Variants in PCDH9 observed in about 807,000 individuals in gnomAD.
PCDH9 encodes the protein protocadherin 9.
PCDH9 carries 24 observed loss-of-function variants against 70.6 expected under a neutral mutation model. The ratio of observed to expected loss-of-function variants is 0.34; its 90% CI spans 0.25 to 0.48. The LOEUF is 0.48. Among genes scored for constraint, PCDH9 ranks in the 20% least tolerant of loss-of-function variants. The pLI is 0.99. For missense variants in PCDH9, 1,281 were observed against 1,503.6 expected (o/e 0.85, Z 2.45); for synonymous variants, 562 against 558.5 (o/e 1.01, Z -0.09).
chr13:66,315,039 A>T (rs1317007685), intron 4 of PCDH9, among the ~76,000 whole-genome samples: 3 of 152,318 alleles, frequency 2.0e-5, no homozygotes, highest in African/African-American at 7.2e-5. Context: ...AAGGACGGGA[A>T]GGATTCAATT....
At chr13:66,399,433 C>T (rs1957153597) in intron 4 of PCDH9, among the ~76,000 whole-genome samples, 1 of 152,132 alleles carries the variant, frequency 6.6e-6, no homozygotes, top group Non-Finnish European at 1.5e-5. Flanking sequence ...AGATTCCTCT[C>T]TGCTCCTCTT....
intron 2 of PCDH9, among the ~76,000 whole-genome samples, chr13:67,104,193 G>T (rs564598320): frequency 6.6e-6 from 1 of 152,198 alleles, no homozygotes; most frequent in South Asian, 2.1e-4. Context: ...GTTGCTTTTA[G>T]GCTAGATTTA....
intron 3 of PCDH9, among the ~76,000 whole-genome samples, chr13:66,837,037 AC>A (rs1369619821): frequency 6.6e-6 from 1 of 152,156 alleles, no homozygotes; most frequent in Non-Finnish European, 1.5e-5. Context: ...CACATAAGAG[AC>A]CACCTGTGTG....
chr13:67,186,622 G>C (rs2088766873), intron 2 of PCDH9, among the ~76,000 whole-genome samples: 1 of 152,170 alleles, frequency 6.6e-6, no homozygotes, highest in African/African-American at 2.4e-5. Context: ...AAAAGACTAG[G>C]ATGATTAAAG....
intron 3 of PCDH9, among the ~76,000 whole-genome samples, chr13:66,860,178 C>G (rs771416037): frequency 6.6e-6 from 1 of 152,112 alleles, no homozygotes; most frequent in Admixed American, 6.6e-5. Context: ...TCCTGAGTGG[C>G]GTCTGTTTTT....
intron 2 of PCDH9, among the ~76,000 whole-genome samples, chr13:67,189,436 C>T (rs529223423): frequency 1.3e-5 from 2 of 152,116 alleles, no homozygotes; most frequent in South Asian, 2.1e-4. Context: ...TGAAATGTGG[C>T]TACTGTGACT....
At chr13:66,308,453 C>G (rs1234332186) in intron 4 of PCDH9, among the ~76,000 whole-genome samples, 1 of 151,980 alleles carries the variant, frequency 6.6e-6, no homozygotes, top group African/African-American at 2.4e-5. Flanking sequence ...TTTCAGATAA[C>G]TGGTTGCTGT....
rs1326247605 is a variant in PCDH9, at chr13:66,613,732, T to C, written c.3340+17478A>G. Reference sequence around the variant, plus strand: ...GGGTTTTCTTCTGCCTGTCTGTGTGTGTACTGTGTGCGATGTCTGTAAAAA... The same window carrying C: ...GGGTTTTCTTCTGCCTGTCTGTGTGCGTACTGTGTGCGATGTCTGTAAAAA... On this transcript the variant is annotated intron_variant, in intron 4 of 4. Coordinates refer to ENST00000377865, the MANE Select transcript of PCDH9 (RefSeq NM_203487.3). Among the ~76,000 whole-genome samples the C allele has an allele frequency of 8.0e-5, 12 of 150,394 alleles. 1 individual carries two copies. In the Admixed American group the frequency reaches 8.0e-4, roughly 10 times the overall value.
At chr13:66,583,479 G>A (rs9540829) in intron 4 of PCDH9, among the ~76,000 whole-genome samples, 39,881 of 151,700 alleles carry the variant, frequency 0.26, 5,453 homozygotes, top group South Asian at 0.35. Flanking sequence ...GGGCTTGGGG[G>A]GACGCGCCTA....
intron 4 of PCDH9, among the ~76,000 whole-genome samples, chr13:66,516,046 C>T (rs1270625057): frequency 3.9e-5 from 6 of 152,108 alleles, no homozygotes; most frequent in Admixed American, 3.3e-4. Flanking sequence ...TTTTTCTTAA[C>T]ACCATTTGAA....
intron 4 of PCDH9, among the ~76,000 whole-genome samples, chr13:66,534,602 T>C (rs1003754209): frequency 6.6e-6 from 1 of 152,058 alleles, no homozygotes; most frequent in Non-Finnish European, 1.5e-5. Flanking sequence ...ACATATAAAT[T>C]TGGGGGGACA....
At chr13:66,843,650 C>T (rs559825345) in intron 3 of PCDH9, among the ~76,000 whole-genome samples, 1 of 152,256 alleles carries the variant, frequency 6.6e-6, no homozygotes, top group South Asian at 2.1e-4. Flanking sequence ...GGCCTTGTGG[C>T]TCATTTTCAT....
In PCDH9 at chr13:66,715,072, T is replaced by C. The variant is rs115656024; in HGVS notation, c.3139-83661A>G. Among the ~76,000 whole-genome samples, 319 of 152,236 alleles carry C rather than the reference T, an allele frequency of 2.1e-3. 1 individual carries two copies. Among genetic ancestry groups the C allele is most frequent in the African/African-American group, 7.5e-3 (313 of 41,548 alleles). The stretch of plus-strand genomic sequence containing the variant: ...GATGTTAGGATAAAAAATTAGTATT[T>C]TTGAGCAGAGAATAATGAACACATG... On this transcript the variant is annotated intron_variant, in intron 3 of 4. Transcript: ENST00000377865.
chr13:66,710,350 T>TAA (rs2078775823), intron 3 of PCDH9, among the ~76,000 whole-genome samples: 1 of 152,148 alleles, frequency 6.6e-6, no homozygotes, highest in Non-Finnish European at 1.5e-5. Flanking sequence ...TCTGGCACCA[T>TAA]AAAAAATAAC....
At chr13:66,572,029 C>T (rs941700085) in intron 4 of PCDH9, among the ~76,000 whole-genome samples, 16 of 151,874 alleles carry the variant, frequency 1.1e-4, no homozygotes, top group East Asian at 3.9e-4. Flanking sequence ...AATATAATTT[C>T]GACTCAGAAT....
chr13:66,595,372 A>T (rs1259500863), intron 4 of PCDH9, among the ~76,000 whole-genome samples: 1 of 151,720 alleles, frequency 6.6e-6, no homozygotes, highest in Non-Finnish European at 1.5e-5. Context: ...GTTATGTTGA[A>T]CTATGTGTGA....
chr13:66,839,614 T>C (rs548733820), intron 3 of PCDH9, among the ~76,000 whole-genome samples: 11 of 152,368 alleles, frequency 7.2e-5, no homozygotes, highest in African/African-American at 2.6e-4. Flanking sequence ...TCTCCACTTC[T>C]GCATTTTCAG....
chr13:66,710,375 CT>C (rs1047612738), intron 3 of PCDH9, among the ~76,000 whole-genome samples: 1 of 152,074 alleles, frequency 6.6e-6, no homozygotes, highest in Non-Finnish European at 1.5e-5. Flanking sequence ...AACCTTTAAA[CT>C]TTTAAAAGAA....
chr13:67,122,734 A>G (rs921028199), intron 2 of PCDH9, among the ~76,000 whole-genome samples: 4 of 151,254 alleles, frequency 2.6e-5, no homozygotes, highest in African/African-American at 9.7e-5. Flanking sequence ...AGATCGCGCC[A>G]CTGCACTCCA....
Sources: gnomAD v4.1 joint callset for allele counts (sites outside exome capture counted in the v4.1 genomes callset) on GRCh38, gnomAD v4.1.1 for gene constraint, MANE v1.5 for transcripts, NCBI Gene and HGNC (gene_info 2026-07-23, HGNC 2026-07-21) for gene names.